Variants in HTR4 observed in about 807,000 individuals in gnomAD.
HTR4 encodes the protein 5-hydroxytryptamine receptor 4.
In HTR4, 16 loss-of-function variants were observed where a neutral mutation model predicts 36.8. The observed-to-expected ratio is 0.43, with a 90% CI of 0.29 to 0.66. The LOEUF (loss-of-function observed/expected upper bound fraction) is 0.66, where lower values mean the gene tolerates loss of function less well. HTR4 is among the 30% of genes least tolerant of loss of function. The pLI, the probability that HTR4 is intolerant of heterozygous loss-of-function variation, is 0.13. For synonymous variants in HTR4, 189 were observed against 185.1 expected, an observed-to-expected ratio of 1.02 and a Z score of -0.17; for missense variants, 438 against 490.9, an observed-to-expected ratio of 0.89 and a Z score of 1.02.
intron 4 of HTR4, among the ~76,000 whole-genome samples, chr5:148,537,500 A>T (rs1409874101): frequency 6.6e-6 from 1 of 152,138 alleles, no homozygotes; most frequent in East Asian, 1.9e-4. Context: ...AGCTAAAGTA[A>T]TAAAGAAGAA....
chr5:148,573,158 T>A (rs576394876), intron 2 of HTR4, among the ~76,000 whole-genome samples: 1 of 152,080 alleles, frequency 6.6e-6, no homozygotes, highest in Admixed American at 6.6e-5. Context: ...AAGGTAGAGT[T>A]CAGCTCAAAC....
At chr5:148,475,425 G>A (rs75095947), downstream of HTR4, among the ~76,000 whole-genome samples, 7,421 of 152,266 alleles carry the variant, frequency 0.049, 631 homozygotes, top group African/African-American at 0.17. Context: ...GTCTTAGAAG[G>A]TGAAGTGAGA....
chr5:148,554,991 T>G (rs1193962806), intron 2 of HTR4, among the ~76,000 whole-genome samples: 1 of 152,046 alleles, frequency 6.6e-6, no homozygotes, highest in African/African-American at 2.4e-5. Context: ...CATTCTCTTT[T>G]GGGGCTTAAT....
intron 2 of HTR4, among the ~76,000 whole-genome samples, chr5:148,617,280 C>G (rs947766721): frequency 4.6e-5 from 7 of 152,208 alleles, no homozygotes; most frequent in African/African-American, 1.7e-4. Context: ...GCTTCACCTT[C>G]TGCCATGAGT....
intron 2 of HTR4, among the ~76,000 whole-genome samples, chr5:148,577,727 A>C (rs6889654): frequency 0.27 from 41,258 of 152,004 alleles, 7,206 homozygotes; most frequent in African/African-American, 0.49. Flanking sequence ...ACAGAAAACC[A>C]AATACTGCCT....
In HTR4 at chr5:148,535,364, G is replaced by A. The variant is rs115584118; in HGVS notation, c.354-12018C>T. Among the ~76,000 whole-genome samples, 972 of 152,298 alleles carry A rather than the reference G, an allele frequency of 6.4e-3. 10 individuals are homozygous for A. The highest frequency in any genetic ancestry group is 0.021 in the African/African-American group (882 of 41,560). On this transcript the variant is annotated intron_variant, in intron 4 of 6. Transcript: ENST00000377888. ...CAAATGACTGCACCAGTTCTCCAAC[G>A]AGAGTTCTTAACCAGGCTGAGCTGG...
At chr5:148,580,250 A>G (rs1228201828) in intron 2 of HTR4, among the ~76,000 whole-genome samples, 1 of 152,038 alleles carries the variant, frequency 6.6e-6, no homozygotes, top group Admixed American at 6.6e-5. Flanking sequence ...TTGTCCCAGT[A>G]ATCTTTTTCC....
At chr5:148,631,526 A>T (rs1753320129) in intron 2 of HTR4, among the ~76,000 whole-genome samples, 1 of 152,186 alleles carries the variant, frequency 6.6e-6, no homozygotes, top group Admixed American at 6.5e-5. Context: ...TTGATTTTTT[A>T]AATTCTATAA....
At chr5:148,532,565 A>G (rs1420463117) in intron 4 of HTR4, among the ~76,000 whole-genome samples, 2 of 152,204 alleles carry the variant, frequency 1.3e-5, no homozygotes, top group African/African-American at 4.8e-5. Context: ...TTTAAGTCAA[A>G]TGTTAGAGAC....
At chr5:148,598,543 C>T (rs1761868470) in intron 2 of HTR4, among the ~76,000 whole-genome samples, 1 of 151,298 alleles carries the variant, frequency 6.6e-6, no homozygotes, top group South Asian at 2.1e-4. Context: ...CAGAGTGAGA[C>T]TCTGTCTAAA....
intron 2 of HTR4, among the ~76,000 whole-genome samples, chr5:148,556,520 T>C (rs374605106): frequency 6.6e-6 from 1 of 152,176 alleles, no homozygotes; most frequent in Admixed American, 6.5e-5. Context: ...CTAGATTCAA[T>C]AGTAAAGAAA....
intron 1 of HTR4, among the ~76,000 whole-genome samples, chr5:148,647,964 G>A (rs986769376): frequency 2.0e-5 from 3 of 152,096 alleles, no homozygotes; most frequent in Admixed American, 6.5e-5. Flanking sequence ...CACCTGTCTT[G>A]GTTTGTTTCC....
At chr5:148,567,949 G>A (rs1367255658) in intron 2 of HTR4, among the ~76,000 whole-genome samples, 1 of 152,022 alleles carries the variant, frequency 6.6e-6, no homozygotes, top group Non-Finnish European at 1.5e-5. Context: ...AGTTTTCTTG[G>A]CCCATAATAG....
At chr5:148,563,486 A>C (rs527887368) in intron 2 of HTR4, among the ~76,000 whole-genome samples, 2 of 152,236 alleles carry the variant, frequency 1.3e-5, no homozygotes, top group Admixed American at 6.5e-5. Flanking sequence ...AATCACTGAA[A>C]GCAAGAACTT....
intron 2 of HTR4, among the ~76,000 whole-genome samples, chr5:148,631,525 T>A (rs560437263): frequency 9.2e-5 from 14 of 152,318 alleles, no homozygotes; most frequent in African/African-American, 3.4e-4. Context: ...ATTGATTTTT[T>A]AAATTCTATA....
At chr5:148,498,175 A>G (rs1315194498) in intron 6 of HTR4, among the ~76,000 whole-genome samples, 1 of 152,220 alleles carries the variant, frequency 6.6e-6, no homozygotes, top group Admixed American at 6.5e-5. Context: ...AAGGGCCATA[A>G]GGATAGGACC....
At chr5:148,599,866 TAA>T (rs1761919553) in intron 2 of HTR4, among the ~76,000 whole-genome samples, 1 of 151,906 alleles carries the variant, frequency 6.6e-6, no homozygotes, top group Non-Finnish European at 1.5e-5. Context: ...ATGGTAAAAG[TAA>T]AAAGTTATAT....
intron 2 of HTR4, among the ~76,000 whole-genome samples, chr5:148,598,565 A>G (rs984766829): frequency 6.6e-6 from 1 of 152,062 alleles, no homozygotes; most frequent in South Asian, 2.1e-4. Context: ...AAAAAATAAA[A>G]AAAGCCAGTA....
At chr5:148,531,791 T>C (rs181852200) in intron 4 of HTR4, among the ~76,000 whole-genome samples, 122 of 152,302 alleles carry the variant, frequency 8.0e-4, no homozygotes, top group African/African-American at 2.6e-3. Flanking sequence ...GTTCTAGTGA[T>C]ATCTGAAGAG....
Sources: gnomAD v4.1 joint callset for allele counts (sites outside exome capture counted in the v4.1 genomes callset) on GRCh38, gnomAD v4.1.1 for gene constraint, MANE v1.5 for transcripts, NCBI Gene and HGNC (gene_info 2026-07-23, HGNC 2026-07-21) for gene names.